CREB5: variants seen among roughly 807,000 people sequenced by gnomAD.
The protein encoded by CREB5 is cAMP responsive element binding protein 5.
In CREB5, 19 loss-of-function variants were observed where a neutral mutation model predicts 57.1. That is an observed-to-expected ratio of 0.33 (90% CI 0.23 to 0.49). The LOEUF (loss-of-function observed/expected upper bound fraction) is 0.49, where lower values mean the gene tolerates loss of function less well. CREB5 is among the 20% of genes least tolerant of loss of function. The probability of loss-of-function intolerance (pLI) is 0.99; values close to 1 mark genes in which losing one functional copy is unlikely to be tolerated. For synonymous variants in CREB5, 238 were observed against 238.3 expected (o/e 1.00, Z 0.01); for missense variants, 579 against 671.6 (o/e 0.86, Z 1.52).
intron 8 of CREB5, 117 bp from the exon 9 acceptor site, chr7:28,809,070 G>C (rs1032724908): frequency 2.2e-6 from 2 of 898,676 alleles, no homozygotes; most frequent in African/African-American, 3.4e-5. Flanking sequence ...AGTCTCATAT[G>C]CTGACTGAAA....
chr7:28,707,880 C>T (rs930382183), intron 5 of CREB5, among the ~76,000 whole-genome samples: 3 of 152,214 alleles, frequency 2.0e-5, no homozygotes, highest in African/African-American at 7.2e-5. Flanking sequence ...TATCTGCCAG[C>T]CTTCTCTAAT....
intron 1 of CREB5, among the ~76,000 whole-genome samples, chr7:28,326,367 G>T (rs929843170): frequency 6.6e-6 from 1 of 151,962 alleles, no homozygotes; most frequent in African/African-American, 2.4e-5. Context: ...ATATTTATTT[G>T]CTAAGTCCCT....
chr7:28,444,064 T>C (rs1789316526), intron 1 of CREB5, among the ~76,000 whole-genome samples: 1 of 152,226 alleles, frequency 6.6e-6, no homozygotes, highest in African/African-American at 2.4e-5. Flanking sequence ...ATTAATTTGG[T>C]GTCTTTACAA....
chr7:28,622,286 C>A (rs2039519848), intron 5 of CREB5, among the ~76,000 whole-genome samples: 1 of 151,882 alleles, frequency 6.6e-6, no homozygotes, highest in African/African-American at 2.4e-5. Flanking sequence ...CACACACACA[C>A]ACACACACTC....
intron 5 of CREB5, among the ~76,000 whole-genome samples, chr7:28,633,301 C>T (rs1300935051): frequency 1.3e-5 from 2 of 152,240 alleles, no homozygotes; most frequent in East Asian, 3.9e-4. Flanking sequence ...AAACAAGGCT[C>T]TTTTACAACA....
chr7:28,422,815 A>G (rs1007903061), intron 1 of CREB5, among the ~76,000 whole-genome samples: 9 of 152,176 alleles, frequency 5.9e-5, no homozygotes, highest in African/African-American at 2.2e-4. Context: ...ATGTTTCTCT[A>G]TGAGAGTAAC....
In CREB5 at chr7:28,501,611, A is replaced by G. The variant is rs908456196; in HGVS notation, c.170-6005A>G. Among the ~76,000 whole-genome samples, 49 of 152,168 alleles carry G rather than the reference A, an allele frequency of 3.2e-4. 1 individual carries two copies. The highest frequency in any genetic ancestry group is 4.4e-5 in the Non-Finnish European group (3 of 68,034). On this transcript the variant is annotated intron_variant, in intron 3 of 10. Coordinates refer to ENST00000357727, the MANE Select transcript of CREB5 (RefSeq NM_182898.4). ...CAATCAGGGACTCAGTGGAAAGTTA[A>G]GCATTAGCTTCTGCTATTCAGGGCA...
chr7:28,634,658 A>G (rs1798341856), intron 5 of CREB5, among the ~76,000 whole-genome samples: 6 of 152,108 alleles, frequency 3.9e-5, no homozygotes, highest in African/African-American at 1.4e-4. Flanking sequence ...TCTAGATGTG[A>G]GGCATTGAAG....
intron 7 of CREB5, among the ~76,000 whole-genome samples, chr7:28,775,347 T>C (rs1583715126): frequency 6.6e-6 from 1 of 152,046 alleles, no homozygotes; most frequent in Admixed American, 6.6e-5. Flanking sequence ...AATTTTTCTC[T>C]AGTTTAATTT....
intron 7 of CREB5, among the ~76,000 whole-genome samples, chr7:28,759,461 C>A (rs1805523137): frequency 6.6e-6 from 1 of 152,162 alleles, no homozygotes. Context: ...AGCAGATGTG[C>A]AGTGTTCTTT....
chr7:28,517,930 C>T, intron 4 of CREB5, among the ~76,000 whole-genome samples: 1 of 152,268 alleles, frequency 6.6e-6, no homozygotes, highest in African/African-American at 2.4e-5. Context: ...AACTCACTTG[C>T]TGCTGGCAGG....
At chr7:28,454,803 G>A (rs1465573078) in intron 1 of CREB5, among the ~76,000 whole-genome samples, 16 of 152,174 alleles carry the variant, frequency 1.1e-4, no homozygotes, top group African/African-American at 3.9e-4. Context: ...ACTGTGAACA[G>A]TAACTTCATC....
At position 28,491,923 on chromosome 7, in the gene CREB5, C is replaced by T. The variant is rs1389608297; in HGVS notation, c.76-2983C>T. ...GGGGTGAAGAAATGATTTTTTTCTC[C>T]TTTTCCCTCATGGGAAAGAAACTTA... On this transcript the variant is annotated intron_variant, in intron 2 of 10. Transcript: ENST00000357727. 3.9e-5 allele frequency among the ~76,000 whole-genome samples: 6 copies of T among 152,198 alleles called. No individual in the cohort carries two copies. In the East Asian group the frequency reaches 1.2e-3, roughly 29 times the overall value.
intron 4 of CREB5, among the ~76,000 whole-genome samples, chr7:28,568,831 T>C (rs543585896): frequency 6.6e-6 from 1 of 152,346 alleles, no homozygotes; most frequent in Non-Finnish European, 1.5e-5. Flanking sequence ...AAATACCGTA[T>C]ATGTTATCAC....
At chr7:28,710,277 A>G (rs1802337789) in intron 5 of CREB5, among the ~76,000 whole-genome samples, 1 of 152,180 alleles carries the variant, frequency 6.6e-6, no homozygotes, top group Admixed American at 6.5e-5. Context: ...GTAAGTGAAG[A>G]TATCTATTGA....
chr7:28,685,628 C>G (rs969089085), intron 5 of CREB5, among the ~76,000 whole-genome samples: 2 of 149,900 alleles, frequency 1.3e-5, no homozygotes, highest in South Asian at 4.2e-4. Flanking sequence ...CTACACGTGT[C>G]TTGATGTTAT....
At chr7:28,737,880 A>C (rs1429396566) in intron 7 of CREB5, among the ~76,000 whole-genome samples, 1 of 152,090 alleles carries the variant, frequency 6.6e-6, no homozygotes, top group Non-Finnish European at 1.5e-5. Context: ...TAATTAATTG[A>C]AATATGAAAA....
chr7:28,396,628 G>C (rs1212821663), intron 1 of CREB5, among the ~76,000 whole-genome samples: 1 of 152,146 alleles, frequency 6.6e-6, no homozygotes, highest in Admixed American at 6.5e-5. Context: ...CAGAGGCTTA[G>C]TGCACAGGAA....
rs532711477 is a variant in CREB5 at position 28,519,529 on chromosome 7, G to C, written c.291+11792G>C. On this transcript the variant is annotated intron_variant, in intron 4 of 10. Transcript: ENST00000357727. ...GTGAACTTAGAGTTGATTTACCCTT[G>C]GTGGTAATGGGTTTGCACAAATCTA... Among the ~76,000 whole-genome samples the C allele has an allele frequency of 1.3e-3, 130 of 99,226 alleles. 1 individual carries two copies. The highest frequency in any genetic ancestry group is 2.3e-3 in the Non-Finnish European group (95 of 41,522). The allele number at this position is 99,226 out of a possible 152,430, so 65.1% of individuals were successfully genotyped here.
Sources: allele counts gnomAD v4.1 joint callset (sites outside exome capture counted in the v4.1 genomes callset), GRCh38; gene constraint gnomAD v4.1.1; transcripts MANE v1.5; gene names NCBI Gene and HGNC (gene_info 2026-07-23, HGNC 2026-07-21).